The following LPP variants were observed in gnomAD, a reference collection of about 807,000 sequenced individuals.
LPP encodes LIM domain containing preferred translocation partner in lipoma.
Under a neutral mutation model 60.4 loss-of-function variants are expected in LPP, and 38 were observed. The ratio of observed to expected loss-of-function variants is 0.63; its 90% CI spans 0.49 to 0.83. LPP has a LOEUF of 0.83. Ranked by LOEUF, LPP falls within the 40% of genes least tolerant of loss-of-function variation. The pLI is 0.00. For missense variants in LPP, 902 were observed against 783.6 expected, an observed-to-expected ratio of 1.15 and a Z score of -1.80; for synonymous variants, 328 against 290.8, an observed-to-expected ratio of 1.13 and a Z score of -1.30.
chr3:188,848,028 A>G (rs1761883900), intron 9 of LPP, among the ~76,000 whole-genome samples: 1 of 152,212 alleles, frequency 6.6e-6, no homozygotes, highest in Non-Finnish European at 1.5e-5. Context: ...GCATCTCCTT[A>G]GGTACTGCTC....
intron 3 of LPP, among the ~76,000 whole-genome samples, chr3:188,391,999 A>G (rs1213414873): frequency 1.3e-5 from 2 of 152,132 alleles, no homozygotes; most frequent in Admixed American, 6.5e-5. Flanking sequence ...TTGCAATCAA[A>G]CCTTACCTGC....
intron 7 of LPP, among the ~76,000 whole-genome samples, chr3:188,615,744 T>A (rs1371107884): frequency 6.6e-6 from 1 of 152,204 alleles, no homozygotes; most frequent in Non-Finnish European, 1.5e-5. Context: ...GAGCAGCATC[T>A]GTTGTTTCTT....
At chr3:188,449,567 A>T (rs1432687181) in intron 4 of LPP, among the ~76,000 whole-genome samples, 1 of 152,150 alleles carries the variant, frequency 6.6e-6, no homozygotes, top group Non-Finnish European at 1.5e-5. Context: ...TATAGATTAG[A>T]AAACTGAGAC....
chr3:188,717,050 T>G lies in LPP; in HGVS notation c.1240+8657T>G, dbSNP rs181758999. On this transcript the variant is annotated intron_variant, in intron 8 of 11. Coordinates refer to ENST00000617246, the MANE Select transcript of LPP (RefSeq NM_001375462.1). ...AAATAGACAGTGTGTTTATTTCCAT[T>G]TGGGATATGAAGAAATGAAAGATTT... Among the ~76,000 whole-genome samples the G allele has an allele frequency of 4.6e-5, 7 of 152,322 alleles. No individual in the cohort carries two copies. The East Asian group carries it at 1.4e-3, about 29-fold the overall frequency.
chr3:188,387,921 G>A (rs1001055873), intron 3 of LPP, among the ~76,000 whole-genome samples: 3 of 33,118 alleles, frequency 9.1e-5, no homozygotes, highest in Non-Finnish European at 5.3e-4. Context: ...TTTGTGAAAG[G>A]GATTTTTTTT....
chr3:188,441,024 A>ATG (rs1793671462), intron 4 of LPP, among the ~76,000 whole-genome samples: 1 of 90,734 alleles, frequency 1.1e-5, no homozygotes, highest in Admixed American at 1.4e-4. Context: ...CTCTCCCTTA[A>ATG]TATGTGTGTG....
intron 6 of LPP, among the ~76,000 whole-genome samples, chr3:188,570,990 G>A (rs1038928050): frequency 3.3e-5 from 5 of 152,090 alleles, no homozygotes; most frequent in Non-Finnish European, 5.9e-5. Context: ...CATTTGATAA[G>A]TGTATAAAGA....
At chr3:188,870,168 T>G (rs1767741379) in intron 10 of LPP, among the ~76,000 whole-genome samples, 1 of 150,618 alleles carries the variant, frequency 6.6e-6, no homozygotes, top group African/African-American at 2.5e-5. Flanking sequence ...ATATGTGTGT[T>G]TGTGTATATA....
chr3:188,307,430 G>T (rs1302786704), intron 2 of LPP, among the ~76,000 whole-genome samples: 1 of 152,180 alleles, frequency 6.6e-6, no homozygotes, highest in Non-Finnish European at 1.5e-5. Flanking sequence ...TCAAATCAAT[G>T]ATTAGAAATA....
chr3:188,620,384 A>G (rs1304699528), intron 7 of LPP, among the ~76,000 whole-genome samples: 7 of 152,158 alleles, frequency 4.6e-5, no homozygotes, highest in Non-Finnish European at 7.4e-5. Context: ...GTATCTACAG[A>G]TTTAACAATT....
intron 6 of LPP, among the ~76,000 whole-genome samples, chr3:188,577,509 G>A (rs957128121): frequency 2.6e-5 from 4 of 151,304 alleles, no homozygotes; most frequent in Non-Finnish European, 4.4e-5. Context: ...TTTCTCTAAT[G>A]AGCCTACTTT....
chr3:188,238,963 G>C, intron 2 of LPP, among the ~76,000 whole-genome samples: 1 of 152,204 alleles, frequency 6.6e-6, no homozygotes, highest in East Asian at 1.9e-4. Context: ...TATTAGTTAA[G>C]TACACATTGA....
intron 6 of LPP, among the ~76,000 whole-genome samples, chr3:188,539,576 A>T (rs1824570114): frequency 6.6e-6 from 1 of 152,218 alleles, no homozygotes. Context: ...GTTTTCCTTC[A>T]TTGGAGCATT....
intron 9 of LPP, among the ~76,000 whole-genome samples, chr3:188,784,041 G>C (rs1740732904): frequency 1.3e-5 from 2 of 151,986 alleles, no homozygotes; most frequent in African/African-American, 4.8e-5. Context: ...AGTATATACT[G>C]CACCATATTT....
intron 7 of LPP, among the ~76,000 whole-genome samples, chr3:188,673,931 C>G (rs1276888340): frequency 1.4e-5 from 2 of 144,922 alleles, no homozygotes; most frequent in Admixed American, 1.4e-4. Flanking sequence ...AAGATTCTGT[C>G]TCTCTAGGAG....
chr3:188,577,231 A>T (rs1020846239), intron 6 of LPP, among the ~76,000 whole-genome samples: 9 of 152,180 alleles, frequency 5.9e-5, no homozygotes, highest in African/African-American at 2.2e-4. Context: ...CTTTGGATTT[A>T]AAAAATCCTA....
chr3:188,578,579 A>T (rs746606045), intron 6 of LPP, among the ~76,000 whole-genome samples: 2 of 151,576 alleles, frequency 1.3e-5, no homozygotes, highest in Non-Finnish European at 2.9e-5. Context: ...AAGGGGAAAT[A>T]TTATCTCTCA....
chr3:188,598,919 G>T (rs1840515264), intron 6 of LPP, among the ~76,000 whole-genome samples: 2 of 152,116 alleles, frequency 1.3e-5, no homozygotes, highest in Non-Finnish European at 2.9e-5. Context: ...TGAACTCACA[G>T]TATTTTTCAC....
chr3:188,807,146 T>C (rs1452325009), intron 9 of LPP, among the ~76,000 whole-genome samples: 2 of 151,956 alleles, frequency 1.3e-5, no homozygotes, highest in Admixed American at 1.3e-4. Context: ...TTATCACTTT[T>C]AAGATGTCAC....
Sources: gnomAD v4.1 joint callset for allele counts (sites outside exome capture counted in the v4.1 genomes callset) on GRCh38, gnomAD v4.1.1 for gene constraint, MANE v1.5 for transcripts, NCBI Gene and HGNC (gene_info 2026-07-23, HGNC 2026-07-21) for gene names.